The following SORBS2 variants were observed in gnomAD, a reference collection of about 807,000 sequenced individuals.
SORBS2 encodes sorbin and SH3 domain-containing protein 2.
A neutral mutation model predicts 97.7 loss-of-function variants in SORBS2; 46 were observed. The observed-to-expected ratio is 0.47, with a 90% CI of 0.37 to 0.60. The LOEUF is 0.60. Among genes scored for constraint, SORBS2 ranks in the 20% least tolerant of loss-of-function variants. SORBS2 has a pLI of 0.00. For synonymous variants in SORBS2, 476 were observed against 473.4 expected (o/e 1.01, Z -0.07); for missense variants, 1,316 against 1,282.3 (o/e 1.03, Z -0.40).
At chr4:185,680,165 A>G (rs960213895) in intron 2 of SORBS2, among the ~76,000 whole-genome samples, 4 of 152,166 alleles carry the variant, frequency 2.6e-5, no homozygotes, top group African/African-American at 7.2e-5. Flanking sequence ...GAATTTGTAC[A>G]ATTTTTTGAT....
intron 1 of SORBS2, among the ~76,000 whole-genome samples, chr4:185,941,071 C>T (rs1213735473): frequency 6.6e-6 from 1 of 152,136 alleles, no homozygotes; most frequent in East Asian, 1.9e-4. Context: ...GTTGAAAAAC[C>T]ATGCCATTCG....
At chr4:185,598,363 GAC>G (rs1201897300) in intron 12 of SORBS2, among the ~76,000 whole-genome samples, 2 of 152,286 alleles carry the variant, frequency 1.3e-5, no homozygotes, top group East Asian at 3.9e-4. Context: ...ATACAAAAGA[GAC>G]AAGTTTTAAA....
intron 5 of SORBS2, 28 bp downstream of exon 8, chr4:185,662,076 T>A (rs1385235309): frequency 6.2e-7 from 1 of 1,612,874 alleles, no homozygotes; most frequent in Non-Finnish European, 8.5e-7. Flanking sequence ...GAGGTTGCCA[T>A]GGAAATCACG....
chr4:185,620,785 A>G (rs80220664), intron 7 of SORBS2, among the ~76,000 whole-genome samples: 1,608 of 152,354 alleles, frequency 0.011, 27 homozygotes, highest in African/African-American at 0.035. Context: ...GATGATAAAC[A>G]CCTTATCAGA....
chr4:185,916,206 T>A (rs1372440162), intron 1 of SORBS2, among the ~76,000 whole-genome samples: 1 of 152,170 alleles, frequency 6.6e-6, no homozygotes, highest in African/African-American at 2.4e-5. Flanking sequence ...AGGAGGAATT[T>A]CAGAGTCCAG....
intron 2 of SORBS2, chr4:185,756,948 G>A: frequency 1.4e-6 from 2 of 1,467,442 alleles, no homozygotes; most frequent in Non-Finnish European, 1.9e-6. Context: ...AAGGGAAAAA[G>A]CATTTTGGTC....
At chr4:185,641,760 TAA>T (rs772924602) in intron 4 of SORBS2, among the ~76,000 whole-genome samples, 3 of 142,364 alleles carry the variant, frequency 2.1e-5, no homozygotes, top group Non-Finnish European at 1.5e-5. Context: ...TTCTTTTCAT[TAA>T]AAAAAAAAAA....
At position 185,607,705 on chromosome 4, in the gene SORBS2, A is replaced by T. The variant is rs1157067799; in HGVS notation, c.2796+4075T>A. Among the ~76,000 whole-genome samples, 4 of 152,138 alleles carry T rather than the reference A, an allele frequency of 2.6e-5. No individual in the cohort carries two copies. In the South Asian group the frequency reaches 8.3e-4, roughly 32 times the overall value. ...TTATTTATTTTTAATTTTTTAAAAA[A>T]TTTTTTAGAGATGGAGTCTCGCTGT... On this transcript the variant is annotated intron_variant, in intron 12 of 14. Transcript: ENST00000418609. The surrounding 1 kb of genome is among the most constrained non-coding windows in gnomAD (Gnocchi z 5.2).
chr4:185,624,241 G>A (rs770711941), exon 7 of SORBS2: 1 of 1,614,192 alleles, frequency 6.2e-7, no homozygotes, highest in African/African-American at 1.3e-5. Context: ...GGAAGCTATC[G>A]CAGTCGTCGT....
At chr4:185,923,486 T>TTTTTTTTTTTTTTTTG (rs1471016166) in intron 1 of SORBS2, among the ~76,000 whole-genome samples, 1 of 148,744 alleles carries the variant, frequency 6.7e-6, no homozygotes, top group African/African-American at 2.5e-5. Flanking sequence ...TTTTTTTTTG[T>TTTTTTTTTTTTTTTTG]AGAGACAGGA....
upstream of SORBS2, among the ~76,000 whole-genome samples, chr4:185,661,276 GA>G (rs3080187): frequency 0.39 from 55,568 of 141,104 alleles, 11,234 homozygotes; most frequent in Non-Finnish European, 0.48. Context: ...ACTCCATCTT[GA>G]AAAAAAAAAA....
chr4:185,590,291 A>C (rs1023836683), intron 13 of SORBS2, among the ~76,000 whole-genome samples: 1 of 152,238 alleles, frequency 6.6e-6, no homozygotes, highest in African/African-American at 2.4e-5. Context: ...ATGGAGATAG[A>C]CAAAATGTGT....
intron 1 of SORBS2, among the ~76,000 whole-genome samples, chr4:185,797,830 C>T (rs1024853970): frequency 6.6e-6 from 1 of 152,174 alleles, no homozygotes; most frequent in Non-Finnish European, 1.5e-5. Context: ...ACCATCCAGC[C>T]TGCAATGTGC....
chr4:185,747,669 C>G (rs1182578063), intron 2 of SORBS2, among the ~76,000 whole-genome samples: 1 of 152,136 alleles, frequency 6.6e-6, no homozygotes, highest in African/African-American at 2.4e-5. Flanking sequence ...TCCTCGTCCT[C>G]CCCCAGCCTG....
chr4:185,770,081 A>ATTT (rs34286752), intron 2 of SORBS2, among the ~76,000 whole-genome samples: 3 of 145,802 alleles, frequency 2.1e-5, no homozygotes, highest in Non-Finnish European at 3.0e-5. Flanking sequence ...GCCGGATGGC[A>ATTT]TTTTTTTTTT....
chr4:185,874,561 A>G (rs957287710), intron 1 of SORBS2, among the ~76,000 whole-genome samples: 7 of 152,222 alleles, frequency 4.6e-5, no homozygotes, highest in African/African-American at 1.4e-4. Context: ...ATGCATTTTT[A>G]AGGTCCTAAT....
intron 1 of SORBS2, among the ~76,000 whole-genome samples, chr4:185,941,568 C>A (rs566847583): frequency 6.6e-6 from 1 of 152,094 alleles, no homozygotes. Context: ...GCTGACTTCC[C>A]GGGAAATGAC....
intron 1 of SORBS2, chr4:185,956,082 C>G (rs529477493): frequency 6.6e-6 from 1 of 152,332 alleles, no homozygotes; most frequent in African/African-American, 2.4e-5. Flanking sequence ...TGGCACTCAG[C>G]CTGAGAACAG....
At chr4:185,750,616 C>T (rs1189078333) in intron 2 of SORBS2, among the ~76,000 whole-genome samples, 3 of 152,218 alleles carry the variant, frequency 2.0e-5, no homozygotes, top group African/African-American at 7.2e-5. Context: ...CTAATACACT[C>T]CTTACACAGT....
Sources: allele counts gnomAD v4.1 joint callset (sites outside exome capture counted in the v4.1 genomes callset), GRCh38; gene constraint gnomAD v4.1.1; non-coding constraint Gnocchi (gnomAD v3.1); transcripts MANE v1.5; gene names NCBI Gene and HGNC (gene_info 2026-07-23, HGNC 2026-07-21).